The following TANC2 variants were observed in gnomAD, a reference collection of about 807,000 sequenced individuals.
TANC2 encodes the protein protein TANC2.
In TANC2, 26 loss-of-function variants were observed where a neutral mutation model predicts 210.5. The observed-to-expected ratio is 0.12, with a 90% CI of 0.09 to 0.17. The LOEUF (loss-of-function observed/expected upper bound fraction) is 0.17, where lower values mean the gene tolerates loss of function less well. TANC2 is among the 10% of genes least tolerant of loss of function. The pLI is 1.00. For missense variants in TANC2, 2,129 were observed against 2,608.9 expected, an observed-to-expected ratio of 0.82 and a Z score of 4.01; for synonymous variants, 931 against 967.1, an observed-to-expected ratio of 0.96 and a Z score of 0.69.
At chr17:63,380,298 A>G (rs1284909208) in intron 15 of TANC2, among the ~76,000 whole-genome samples, 2 of 152,198 alleles carry the variant, frequency 1.3e-5, no homozygotes, top group Non-Finnish European at 2.9e-5. Flanking sequence ...TCTTCAAATT[A>G]TATCCCAGTT....
At chr17:63,319,196 A>G (rs779945706) in intron 11 of TANC2, 106 bp downstream of exon 11, 9 of 1,150,504 alleles carry the variant, frequency 7.8e-6, no homozygotes, top group Non-Finnish European at 1.1e-5. Context: ...GTAAAGCTAT[A>G]CCATGAGAAC....
At chr17:63,389,752 G>C (rs1567976848) in intron 17 of TANC2, 2 of 582,980 alleles carry the variant, frequency 3.4e-6, no homozygotes, top group Non-Finnish European at 6.1e-6. Context: ...CCCTTTGAGA[G>C]GTGCTTGGGA....
intron 5 of TANC2, among the ~76,000 whole-genome samples, chr17:63,163,244 G>T (rs1423053693): frequency 3.9e-5 from 6 of 152,084 alleles, no homozygotes; most frequent in Admixed American, 3.3e-4. Context: ...TAAGGTTATG[G>T]ACAGTTTGTA....
chr17:63,314,474 G>A, exon 10 of TANC2: 1 of 1,613,916 alleles, frequency 6.2e-7, no homozygotes, highest in African/African-American at 1.3e-5. Context: ...GTCAGTGTTT[G>A]TTGGCCGAGA....
intron 1 of TANC2, among the ~76,000 whole-genome samples, chr17:62,995,903 A>G (rs1010976915): frequency 6.6e-6 from 1 of 152,198 alleles, no homozygotes; most frequent in Non-Finnish European, 1.5e-5. Flanking sequence ...GACCACAATG[A>G]ACAGTGATAG....
rs942487458 is a variant in TANC2 at position 63,094,487 on chromosome 17, A to G, written c.140-4688A>G. ...GACATGTAAACTGAAAAATTCACCA[A>G]TGATGTATACAGTTCACTGAATTAT... is the stretch of plus-strand genomic sequence containing the variant. On this transcript the variant is annotated intron_variant, in intron 3 of 27. Transcript: ENST00000689528. 4.6e-5 allele frequency among the ~76,000 whole-genome samples: 7 copies of G among 152,178 alleles called. No homozygotes were observed. The East Asian group carries it at 5.8e-4, about 13-fold the overall frequency.
Position 63,420,357 on chromosome 17 carries a change from C to T in TANC2, c.4627C>T (p.Pro1543Ser). 1 of 1,613,948 alleles carries T rather than the reference C, an allele frequency of 6.2e-7. No homozygotes were observed. Among genetic ancestry groups the T allele is most frequent in the Non-Finnish European group, 8.5e-7 (1 of 1,179,884 alleles). Residue 1543 changes from proline to serine, a missense_variant, in exon 28 of 28, where the codon CCT (proline) becomes TCT (serine). Coordinates refer to ENST00000689528, the Ensembl canonical transcript of TANC2. This position sits in a 1 kb window ranked among gnomAD's most constrained non-coding sequence, Gnocchi z 4.2. ...GGACTCAGCCTACATCTCCAGCTCACCTCTTGGCTCTCATCAGGTTTTTGA... is the reference window on the plus strand; with the variant it reads ...GGACTCAGCCTACATCTCCAGCTCATCTCTTGGCTCTCATCAGGTTTTTGA...
intron 1 of TANC2, among the ~76,000 whole-genome samples, chr17:62,987,642 A>T (rs2143521875): frequency 6.6e-6 from 1 of 152,268 alleles, no homozygotes; most frequent in Non-Finnish European, 1.5e-5. Context: ...AGGTGGGAAG[A>T]TAGGGCTACA....
At chr17:63,377,937 C>T (rs370900888) in intron 14 of TANC2, among the ~76,000 whole-genome samples, 2 of 152,122 alleles carry the variant, frequency 1.3e-5, no homozygotes, top group Non-Finnish European at 2.9e-5. Flanking sequence ...ACTTAGAAAA[C>T]CATCAGATCT....
At chr17:63,012,004 G>C (rs1460168940) in intron 2 of TANC2, among the ~76,000 whole-genome samples, 1 of 142,014 alleles carries the variant, frequency 7.0e-6, no homozygotes, top group Admixed American at 7.0e-5. Flanking sequence ...CCTTTCTTTT[G>C]TGTTGATCAA....
chr17:63,071,462 A>G (rs1354450578), intron 2 of TANC2, among the ~76,000 whole-genome samples: 1 of 151,984 alleles, frequency 6.6e-6, no homozygotes, highest in Non-Finnish European at 1.5e-5. Flanking sequence ...CAGCCCTAGA[A>G]TTTCTTAAAT....
At chr17:63,187,525 A>G (rs2041031828) in intron 5 of TANC2, among the ~76,000 whole-genome samples, 1 of 148,228 alleles carries the variant, frequency 6.7e-6, no homozygotes, top group African/African-American at 2.5e-5. Context: ...TGCCCCAGAG[A>G]GAACAACCAC....
intron 14 of TANC2, among the ~76,000 whole-genome samples, chr17:63,365,423 G>T (rs2047081580): frequency 6.6e-6 from 1 of 152,104 alleles, no homozygotes; most frequent in South Asian, 2.1e-4. Context: ...ATCTCACATG[G>T]ATTACTTTCA....
At chr17:63,145,223 C>T (rs1364613243) in intron 4 of TANC2, among the ~76,000 whole-genome samples, 1 of 152,036 alleles carries the variant, frequency 6.6e-6, no homozygotes, top group Admixed American at 6.6e-5. Flanking sequence ...ATGCCCTTCC[C>T]ACCTATTTCC....
intron 3 of TANC2, among the ~76,000 whole-genome samples, chr17:63,098,513 G>GTATATATA (rs779741664): frequency 0.027 from 3,403 of 125,362 alleles, 163 homozygotes; most frequent in South Asian, 0.098. Context: ...CTCTCTCTGT[G>GTATATATA]TGTATATATA....
At chr17:63,362,941 C>T (rs79608900) in intron 14 of TANC2, among the ~76,000 whole-genome samples, 3,149 of 152,252 alleles carry the variant, frequency 0.021, 41 homozygotes, top group South Asian at 0.038. Flanking sequence ...TTTTAGGAAC[C>T]TCCAAACTGT....
chr17:63,354,500 A>G (rs898037133), intron 13 of TANC2, among the ~76,000 whole-genome samples: 3 of 152,142 alleles, frequency 2.0e-5, no homozygotes, highest in East Asian at 3.9e-4. Context: ...TCCGTTTTCT[A>G]TTTATTTCAG....
At chr17:63,385,203 A>G (rs147053238) in intron 15 of TANC2, among the ~76,000 whole-genome samples, 1 of 152,216 alleles carries the variant, frequency 6.6e-6, no homozygotes, top group African/African-American at 2.4e-5. Context: ...TTCAACCATC[A>G]TATGTAAGAC....
chr17:63,081,786 G>T (rs1170129031), intron 3 of TANC2, among the ~76,000 whole-genome samples: 1 of 152,038 alleles, frequency 6.6e-6, no homozygotes, highest in African/African-American at 2.4e-5. Context: ...ATGATAATTG[G>T]CCCAATTAAC....
Sources: allele counts gnomAD v4.1 joint callset (sites outside exome capture counted in the v4.1 genomes callset), GRCh38; gene constraint gnomAD v4.1.1; non-coding constraint Gnocchi (gnomAD v3.1); transcripts MANE v1.5; gene names NCBI Gene and HGNC (gene_info 2026-07-23, HGNC 2026-07-21).